Variants in TRAPPC8 observed in about 807,000 individuals in gnomAD.
TRAPPC8 encodes the protein general sporulation gene 1 homolog.
Under a neutral mutation model 174.3 loss-of-function variants are expected in TRAPPC8, and 54 were observed. That is an observed-to-expected ratio of 0.31 (90% CI 0.25 to 0.39). The LOEUF (loss-of-function observed/expected upper bound fraction) is 0.39. TRAPPC8 is among the 10% of genes least tolerant of loss of function. TRAPPC8 has a pLI of 1.00. For synonymous variants in TRAPPC8, 630 were observed against 579.9 expected (o/e 1.09, Z -1.24); for missense variants, 1,531 against 1,699.1 (o/e 0.90, Z 1.74).
rs200371676 is a variant in TRAPPC8, at chr18:31,924,648, G to GA, written c.352+6680dup. Among the ~76,000 whole-genome samples the GA allele has an allele frequency of 7.4e-3, 1,021 of 138,054 alleles. 13 individuals are homozygous for GA. Among genetic ancestry groups the GA allele is most frequent in the African/African-American group, 0.027 (981 of 36,298 alleles). 90.6% of individuals were successfully genotyped at this position (138,054 alleles called of 152,430 possible). On this transcript the variant is annotated intron_variant, in intron 2 of 28. Coordinates refer to ENST00000283351, the MANE Select transcript of TRAPPC8 (RefSeq NM_014939.5). ...TTTTTTAAATCTGCCTGAAGCAGGA[G>GA]AATCGCTTGAACCCGGGACGTGGAG...
At chr18:31,898,695 G>GT (rs911942582) in intron 10 of TRAPPC8, among the ~76,000 whole-genome samples, 3 of 151,924 alleles carry the variant, frequency 2.0e-5, no homozygotes, top group African/African-American at 7.3e-5. Context: ...TCCAATTTTA[G>GT]TTTTTTTTGT....
intron 16 of TRAPPC8, 58 bp downstream of exon 16, chr18:31,870,314 T>C: frequency 6.7e-7 from 1 of 1,499,162 alleles, no homozygotes; most frequent in South Asian, 1.3e-5. Context: ...GAAATGTTAC[T>C]ACAGCATTTG....
At chr18:31,886,466 C>T (rs535361169) in intron 12 of TRAPPC8, among the ~76,000 whole-genome samples, 4 of 151,340 alleles carry the variant, frequency 2.6e-5, no homozygotes, top group East Asian at 1.9e-4. Flanking sequence ...AGTGGATTTT[C>T]GAATGTGTTC....
chr18:31,859,483 T>C (rs555599004), intron 19 of TRAPPC8, among the ~76,000 whole-genome samples: 2 of 152,272 alleles, frequency 1.3e-5, no homozygotes, highest in African/African-American at 4.8e-5. Context: ...GAGCTAAAAC[T>C]TGTGGAGGAA....
intron 12 of TRAPPC8, chr18:31,883,155 A>T (rs2035538716): frequency 6.7e-6 from 1 of 150,362 alleles, no homozygotes; most frequent in Admixed American, 6.6e-5. Context: ...CCCAGGAGGC[A>T]GAGGTTGCAG....
At chr18:31,916,529 G>T in intron 3 of TRAPPC8, 83 bp from the exon 4 acceptor site, 2 of 1,205,770 alleles carry the variant, frequency 1.7e-6, no homozygotes, top group Non-Finnish European at 2.2e-6. Context: ...GGAGGTTTTT[G>T]TTTGTTTGTT....
chr18:31,915,623 G>T (rs553968603), intron 4 of TRAPPC8, among the ~76,000 whole-genome samples: 2 of 152,088 alleles, frequency 1.3e-5, no homozygotes, highest in Non-Finnish European at 2.9e-5. Flanking sequence ...GAAGCCGGGC[G>T]TGGTGGCTCA....
chr18:31,924,766 C>T (rs996620343), intron 2 of TRAPPC8, among the ~76,000 whole-genome samples: 1 of 141,976 alleles, frequency 7.0e-6, no homozygotes, highest in Non-Finnish European at 1.5e-5. Context: ...AAAAAAAATC[C>T]GCCTGAAGAG....
chr18:31,871,189 A>T, intron 14 of TRAPPC8, 69 bp from the exon 15 acceptor site: 1 of 925,194 alleles, frequency 1.1e-6, no homozygotes, highest in South Asian at 2.4e-5. Flanking sequence ...TTAAATAGAC[A>T]TAAGGTACAG....
chr18:31,912,426 G>A (rs1257353961), intron 5 of TRAPPC8, among the ~76,000 whole-genome samples: 1 of 152,072 alleles, frequency 6.6e-6, no homozygotes, highest in African/African-American at 2.4e-5. Context: ...GGGAAGTGGA[G>A]GGTTGCAGTG....
rs758430202 is a variant in TRAPPC8 at position 31,866,967 on chromosome 18, T to C, written c.2472A>G (p.Leu824=). The C allele has an allele frequency of 4.3e-6, 7 of 1,613,338 alleles. No homozygotes were observed. In the Admixed American group the frequency reaches 1.0e-4, roughly 23 times the overall value. The change falls in exon 18 of 29, where the codon CTA becomes CTG. Residue 824 remains leucine, a synonymous_variant. Coordinates refer to ENST00000283351, the MANE Select transcript of TRAPPC8 (RefSeq NM_014939.5). ...CCCCTATGTGATGGGGAAAGAGCTT[T>C]AGTCTTGCCTGTGGAGATATTTAAG... ...INGEESKVAR[L]KLFPHHIGEL...
chr18:31,876,738 T>C (rs2035174317), intron 12 of TRAPPC8, among the ~76,000 whole-genome samples: 2 of 152,094 alleles, frequency 1.3e-5, no homozygotes, highest in Non-Finnish European at 2.9e-5. Flanking sequence ...ACTTCTCTGC[T>C]GCCCTCACCC....
chr18:31,927,383 C>T (rs544794699), intron 2 of TRAPPC8, among the ~76,000 whole-genome samples: 1 of 152,236 alleles, frequency 6.6e-6, no homozygotes, highest in East Asian at 1.9e-4. Context: ...CTGCCACAGC[C>T]TTCCAAGTAG....
intron 12 of TRAPPC8, among the ~76,000 whole-genome samples, chr18:31,878,995 G>A (rs534404927): frequency 1.3e-5 from 2 of 152,220 alleles, no homozygotes; most frequent in East Asian, 3.9e-4. Context: ...CTACTAGACT[G>A]AAGACAAGAC....
In TRAPPC8 at chr18:31,917,610, A is replaced by G. The variant is rs6506948; in HGVS notation, c.410T>C (p.Leu137Ser). ...ATAGTGGTTCAGAAATTCATGATCCAATGCTGGCATCGACTGAAGAAAGGT... is the reference window on the plus strand; with the variant it reads ...ATAGTGGTTCAGAAATTCATGATCCGATGCTGGCATCGACTGAAGAAAGGT... ...RETFLQSMPA[L>S]DHEFLNHYLA... The change falls in exon 3 of 29, where the codon TTG (leucine) becomes TCG (serine). Residue 137 changes from leucine to serine, a missense_variant. Physicochemically the swap from Leu to Ser is moderately radical, Grantham distance 145. Coordinates refer to ENST00000283351, the MANE Select transcript of TRAPPC8 (RefSeq NM_014939.5). The G allele has an allele frequency of 1, 1,613,241 of 1,613,324 alleles. 806,579 individuals are homozygous for G. The highest frequency in any genetic ancestry group is 1 in the Middle Eastern group (6,058 of 6,058).
At position 31,916,241 on chromosome 18, in the gene TRAPPC8, G is replaced by T. The variant is rs757185687; in HGVS notation, c.617+31C>A. The T allele has an allele frequency of 9.8e-6, 14 of 1,423,916 alleles. No individual in the cohort carries two copies. In the African/African-American group the frequency reaches 2.0e-4, roughly 21 times the overall value. The allele number at this position is 1,423,916 out of a possible 1,614,324, so 88.2% of individuals were successfully genotyped here. On this transcript the variant is annotated intron_variant, in intron 4 of 28. Coordinates refer to ENST00000283351, the MANE Select transcript of TRAPPC8 (RefSeq NM_014939.5). ...AAATTAATGTTAAATCATTTAACTG[G>T]AAAAAATTTAAAACTAAAATAAAAA... is the stretch of plus-strand genomic sequence containing the variant.
intron 1 of TRAPPC8, among the ~76,000 whole-genome samples, chr18:31,940,142 G>A (rs150195231): frequency 3.9e-5 from 6 of 152,306 alleles, no homozygotes; most frequent in African/African-American, 7.2e-5. Context: ...CATTGAAATA[G>A]TAACATTTTG....
intron 9 of TRAPPC8, 100 bp downstream of exon 9, chr18:31,907,360 G>A: frequency 3.3e-6 from 4 of 1,215,092 alleles, no homozygotes; most frequent in Middle Eastern, 5.8e-4. Context: ...TGCTCTTTGA[G>A]TACAACTTTA....
chr18:31,908,218 A>C, intron 8 of TRAPPC8, 85 bp downstream of exon 8: 1 of 673,282 alleles, frequency 1.5e-6, no homozygotes. Flanking sequence ...AATTAAAGAG[A>C]TAGTTATCTT....
Sources: gnomAD v4.1 joint callset for allele counts (sites outside exome capture counted in the v4.1 genomes callset) on GRCh38, gnomAD v4.1.1 for gene constraint, MANE v1.5 for transcripts, NCBI Gene and HGNC (gene_info 2026-07-23, HGNC 2026-07-21) for gene names.